Variants in SMOC2 observed in about 807,000 individuals in gnomAD.
SMOC2 encodes the protein SPARC-related modular calcium-binding protein 2.
Under a neutral mutation model 61.4 loss-of-function variants are expected in SMOC2, and 39 were observed. The observed-to-expected ratio is 0.64, with a 90% CI of 0.49 to 0.83. The LOEUF (loss-of-function observed/expected upper bound fraction) is 0.83. Ranked by LOEUF, SMOC2 falls within the 40% of genes least tolerant of loss-of-function variation. The pLI, the probability that SMOC2 is intolerant of heterozygous loss-of-function variation, is 0.00. For synonymous variants in SMOC2, 247 were observed against 239.9 expected, an observed-to-expected ratio of 1.03 and a Z score of -0.27; for missense variants, 556 against 592.9, an observed-to-expected ratio of 0.94 and a Z score of 0.65.
chr6:168,508,311 G>A (rs558362692), intron 1 of SMOC2, among the ~76,000 whole-genome samples: 1 of 152,298 alleles, frequency 6.6e-6, no homozygotes, highest in South Asian at 2.1e-4. Context: ...CGTAGTTCCT[G>A]CAAAACTTGG....
chr6:168,648,385 G>A lies in SMOC2; in HGVS notation c.908-2296G>A, dbSNP rs539472480. Among the ~76,000 whole-genome samples, 12 of 152,318 alleles carry A rather than the reference G, an allele frequency of 7.9e-5. No individual in the cohort carries two copies. The East Asian group carries it at 1.2e-3, about 15-fold the overall frequency. ...GCAGGGCTTCTGCCCACGTGTTCCCGAGCCTGTGCCCTGGAGGCATTTTCA... is the reference window on the plus strand; with the variant it reads ...GCAGGGCTTCTGCCCACGTGTTCCCAAGCCTGTGCCCTGGAGGCATTTTCA... On this transcript the variant is annotated intron_variant, in intron 9 of 12. Transcript: ENST00000356284.
At chr6:168,638,236 A>G (rs909677570) in intron 9 of SMOC2, among the ~76,000 whole-genome samples, 4 of 114,858 alleles carry the variant, frequency 3.5e-5, no homozygotes, top group South Asian at 2.4e-4. Context: ...TAATGTTGTT[A>G]TTGTTATTAT....
chr6:168,636,966 C>T (rs557149638), intron 9 of SMOC2, among the ~76,000 whole-genome samples: 2 of 137,246 alleles, frequency 1.5e-5, no homozygotes, highest in African/African-American at 5.7e-5. Flanking sequence ...TTCCTCCCTC[C>T]TCCCTCCTGC....
At chr6:168,603,023 T>C (rs1049868924) in intron 8 of SMOC2, among the ~76,000 whole-genome samples, 1 of 152,176 alleles carries the variant, frequency 6.6e-6, no homozygotes, top group African/African-American at 2.4e-5. Context: ...CTGTGGGAAG[T>C]GATTGGATCA....
intron 8 of SMOC2, among the ~76,000 whole-genome samples, chr6:168,604,249 T>C (rs1428260062): frequency 3.9e-5 from 6 of 152,200 alleles, no homozygotes; most frequent in African/African-American, 1.4e-4. Flanking sequence ...AAAAATCCCT[T>C]CCCTAGAATT....
chr6:168,592,481 T>C lies in SMOC2; in HGVS notation c.638-6337T>C, dbSNP rs192883330. Among the ~76,000 whole-genome samples, 112 of 80,682 alleles carry C rather than the reference T, an allele frequency of 1.4e-3. 26 individuals carry two copies. Among genetic ancestry groups the C allele is most frequent in the African/African-American group, 4.6e-3 (105 of 23,076 alleles). 52.9% of individuals were successfully genotyped at this position (80,682 alleles called of 152,430 possible). A position where few individuals can be genotyped will look rare whatever the true frequency, so the allele number is the denominator to read the frequency against. ...TTCCTGAGGCCTCACGAGGGGCCTC[T>C]TTCTAGAGGATCGCGGAGCTCCTCC... On this transcript the variant is annotated intron_variant, in intron 7 of 12. Transcript: ENST00000356284.
At chr6:168,478,938 C>T (rs1487340606) in intron 1 of SMOC2, among the ~76,000 whole-genome samples, 9 of 150,328 alleles carry the variant, frequency 6.0e-5, no homozygotes, top group African/African-American at 2.2e-4. Flanking sequence ...GACCCTGTCT[C>T]GGGAAAAGGA....
chr6:168,495,145 C>T (rs1165347184), intron 1 of SMOC2, among the ~76,000 whole-genome samples: 1 of 152,226 alleles, frequency 6.6e-6, no homozygotes, highest in Non-Finnish European at 1.5e-5. Flanking sequence ...TCCAGGAAAG[C>T]CATGCTCCTG....
chr6:168,659,672 G>C (rs79805290), intron 11 of SMOC2, among the ~76,000 whole-genome samples: 1 of 79,774 alleles, frequency 1.3e-5, no homozygotes, highest in East Asian at 3.9e-4. Flanking sequence ...TAGGCTGGGT[G>C]AGGGTGGAGG....
At chr6:168,612,703 C>T (rs376696750) in intron 9 of SMOC2, among the ~76,000 whole-genome samples, 10 of 152,214 alleles carry the variant, frequency 6.6e-5, no homozygotes, top group Admixed American at 2.6e-4. Flanking sequence ...GCCTCAGCTG[C>T]GGCACCGGCT....
chr6:168,608,344 CCTGT>C, intron 9 of SMOC2, 105 bp downstream of exon 9: 1 of 1,291,328 alleles, frequency 7.7e-7, no homozygotes, highest in Non-Finnish European at 1.1e-6. Flanking sequence ...TCCCAGGGGG[CCTGT>C]CTGACTCTGA....
At position 168,652,899 on chromosome 6, in the gene SMOC2, A is replaced by G. The variant is rs1034013538; in HGVS notation, c.1011-55A>G. ...TGGGTTTGAGGGAAGGACAGTGGCC[A>G]GGAAGGAGCAGCCCAGGGGTTTAAG... On this transcript the variant is annotated intron_variant, in intron 10 of 12. Coordinates refer to ENST00000356284, the MANE Select transcript of SMOC2 (RefSeq NM_001166412.2). 10 of 1,563,900 alleles carry G rather than the reference A, an allele frequency of 6.4e-6. No individual in the cohort carries two copies. The African/African-American group carries it at 1.2e-4, about 19-fold the overall frequency.
At chr6:168,543,876 T>C (rs1182131109) in intron 5 of SMOC2, among the ~76,000 whole-genome samples, 1 of 152,144 alleles carries the variant, frequency 6.6e-6, no homozygotes, top group African/African-American at 2.4e-5. Context: ...GTCGCTGGTG[T>C]TGGACCTGTG....
intron 9 of SMOC2, among the ~76,000 whole-genome samples, chr6:168,630,210 C>G (rs1562393162): frequency 1.3e-5 from 2 of 152,190 alleles, no homozygotes; most frequent in Admixed American, 6.5e-5. Flanking sequence ...ATTCCCTAAA[C>G]TCAACAACAG....
At chr6:168,562,686 T>A (rs193240937) in intron 7 of SMOC2, among the ~76,000 whole-genome samples, 1 of 152,326 alleles carries the variant, frequency 6.6e-6, no homozygotes, top group Non-Finnish European at 1.5e-5. Flanking sequence ...TCCGGGGTTA[T>A]CAGGTAGGAC....
chr6:168,655,386 A>G (rs1295220848), intron 11 of SMOC2: 2 of 456,630 alleles, frequency 4.4e-6, no homozygotes, highest in East Asian at 6.9e-5. Flanking sequence ...GGCCTACCCA[A>G]CCGTGACAGG....
Position 168,643,322 on chromosome 6 carries a change from C to T in SMOC2, c.908-7359C>T, listed in dbSNP as rs1786939905. ...AGTTTCCTTTCAGATAAGGTCCACA[C>T]TTGTTTCTGGACTCATAAGACCTCC... On this transcript the variant is annotated intron_variant, in intron 9 of 12. Coordinates refer to ENST00000356284, the MANE Select transcript of SMOC2 (RefSeq NM_001166412.2). Among the ~76,000 whole-genome samples, 2 of 152,208 alleles carry T rather than the reference C, an allele frequency of 1.3e-5. 1 individual carries two copies. The highest frequency in any genetic ancestry group is 4.1e-4 in the South Asian group (2 of 4,830).
intron 9 of SMOC2, among the ~76,000 whole-genome samples, chr6:168,629,352 C>A (rs62423399): frequency 0.18 from 27,521 of 152,212 alleles, 2,762 homozygotes; most frequent in Middle Eastern, 0.34. Context: ...CCCCAGAAAC[C>A]CCATTCATCG....
At chr6:168,579,773 G>A (rs1784882935) in intron 7 of SMOC2, among the ~76,000 whole-genome samples, 1 of 152,166 alleles carries the variant, frequency 6.6e-6, no homozygotes, top group Admixed American at 6.5e-5. Flanking sequence ...GTCAGGGCTG[G>A]GGACCCAGGG....
Sources: gnomAD v4.1 joint callset for allele counts (sites outside exome capture counted in the v4.1 genomes callset) on GRCh38, gnomAD v4.1.1 for gene constraint, MANE v1.5 for transcripts, NCBI Gene and HGNC (gene_info 2026-07-23, HGNC 2026-07-21) for gene names.